The following BACH2 variants were observed in gnomAD, a reference collection of about 807,000 sequenced individuals.
BACH2 encodes transcription regulator protein BACH2.
Under a neutral mutation model 61.8 loss-of-function variants are expected in BACH2, and 5 were observed. That is an observed-to-expected ratio of 0.08 (90% confidence interval 0.04 to 0.17). The LOEUF is 0.17. Among genes scored for constraint, BACH2 ranks in the 10% least tolerant of loss-of-function variants. The probability of loss-of-function intolerance (pLI) is 1.00; values close to 1 mark genes in which losing one functional copy is unlikely to be tolerated. For synonymous variants in BACH2, 446 were observed against 440.1 expected (o/e 1.01, Z -0.17); for missense variants, 824 against 1,091.1 (o/e 0.76, Z 3.45).
intron 6 of BACH2, among the ~76,000 whole-genome samples, chr6:89,996,349 C>G (rs1431518756): frequency 2.0e-5 from 3 of 152,184 alleles, no homozygotes; most frequent in Admixed American, 2.0e-4. Flanking sequence ...TTGTTGCCAT[C>G]CAACATGCAT....
At chr6:90,034,724 A>G (rs971277596) in intron 5 of BACH2, among the ~76,000 whole-genome samples, 3 of 152,156 alleles carry the variant, frequency 2.0e-5, no homozygotes, top group Admixed American at 6.6e-5. Flanking sequence ...GTAATTTGCT[A>G]TGTCATCCTC....
chr6:90,063,273 G>T (rs1410850203), intron 5 of BACH2, among the ~76,000 whole-genome samples: 2 of 152,078 alleles, frequency 1.3e-5, no homozygotes, highest in African/African-American at 4.8e-5. Flanking sequence ...TCCTATGGGG[G>T]TGTGTGTGTG....
intron 1 of BACH2, among the ~76,000 whole-genome samples, chr6:90,296,146 T>C (rs1027651396): frequency 5.3e-5 from 8 of 152,002 alleles, no homozygotes; most frequent in Non-Finnish European, 8.8e-5. Context: ...GCCTGACTTA[T>C]TACTCTCTGC....
intron 4 of BACH2, among the ~76,000 whole-genome samples, chr6:90,094,763 T>A (rs188316482): frequency 2.2e-4 from 33 of 152,218 alleles, no homozygotes; most frequent in Admixed American, 2.1e-3. Flanking sequence ...ATGACACCAG[T>A]CAGCCAATCT....
At chr6:90,133,638 T>C (rs1455888249) in intron 4 of BACH2, among the ~76,000 whole-genome samples, 3 of 152,254 alleles carry the variant, frequency 2.0e-5, no homozygotes, top group South Asian at 2.1e-4. Flanking sequence ...TGTGCTGCAC[T>C]GATTAAGTCG....
At chr6:89,933,804 G>A (rs1254217553) in intron 8 of BACH2, among the ~76,000 whole-genome samples, 1 of 150,464 alleles carries the variant, frequency 6.6e-6, no homozygotes, top group Non-Finnish European at 1.5e-5. Flanking sequence ...TGGGGAACAT[G>A]GCAAAACCCC....
intron 6 of BACH2, among the ~76,000 whole-genome samples, chr6:89,986,016 G>C (rs562528818): frequency 6.6e-6 from 1 of 152,276 alleles, no homozygotes; most frequent in East Asian, 1.9e-4. Flanking sequence ...TGTTATAGCC[G>C]GACTTGTAAG....
chr6:90,229,601 G>A (rs1179125712), intron 3 of BACH2, among the ~76,000 whole-genome samples: 2 of 152,132 alleles, frequency 1.3e-5, no homozygotes, highest in African/African-American at 4.8e-5. Context: ...TGCTCAATGA[G>A]GAAAAAGCAC....
chr6:90,241,957 A>C (rs979700607), intron 3 of BACH2, among the ~76,000 whole-genome samples: 1 of 149,316 alleles, frequency 6.7e-6, no homozygotes, highest in African/African-American at 2.5e-5. Context: ...TTATTAGTAG[A>C]CTATTTTTTA....
chr6:90,261,795 T>C (rs1210820192), intron 2 of BACH2, among the ~76,000 whole-genome samples: 4 of 152,136 alleles, frequency 2.6e-5, no homozygotes, highest in Admixed American at 6.5e-5. Flanking sequence ...TATATACTTA[T>C]ATACTGATGA....
rs527268806 is a variant in BACH2 at position 90,038,091 on chromosome 6, C to G, written c.-12-29235G>C. Among the ~76,000 whole-genome samples, 3 of 152,334 alleles carry G rather than the reference C, an allele frequency of 2.0e-5. 1 individual carries two copies. In the East Asian group the frequency reaches 5.8e-4, roughly 29 times the overall value. ...GAGGCAATACATTTCTGTTGTAAGG[C>G]ATCCAGTTTGTGGTACTTTGTTATG... is the stretch of plus-strand genomic sequence containing the variant. On this transcript the variant is annotated intron_variant, in intron 5 of 8. Transcript: ENST00000257749.
rs543808441 is a variant in BACH2, at chr6:90,008,883, G to T, written c.-12-27C>A. On this transcript the variant is annotated intron_variant, in intron 5 of 8. Coordinates refer to ENST00000257749, the MANE Select transcript of BACH2 (RefSeq NM_021813.4). This position sits in a 1 kb window ranked among gnomAD's most constrained non-coding sequence, Gnocchi z 4.1. ...TGAAAGAAAGAAAGAAACAAAGAAAGAAAGAAAGAAAGGCTGAGTCACCAC... is the reference window on the plus strand; with the variant it reads ...TGAAAGAAAGAAAGAAACAAAGAAATAAAGAAAGAAAGGCTGAGTCACCAC... 2.5e-6 allele frequency: 4 copies of T among 1,607,006 alleles called. No homozygotes were observed. Among genetic ancestry groups the T allele is most frequent in the Non-Finnish European group, 3.4e-6 (4 of 1,175,932 alleles).
chr6:89,976,513 T>C (rs906281379), intron 6 of BACH2, among the ~76,000 whole-genome samples: 4 of 152,198 alleles, frequency 2.6e-5, no homozygotes, highest in African/African-American at 7.2e-5. Flanking sequence ...GCTCCTGCAA[T>C]TGTGTGTGTG....
chr6:90,040,710 T>C (rs1251120445), intron 5 of BACH2, among the ~76,000 whole-genome samples: 1 of 152,172 alleles, frequency 6.6e-6, no homozygotes, highest in Non-Finnish European at 1.5e-5. Context: ...CAGTTTCATT[T>C]ATTTACAAGA....
chr6:90,062,688 C>T (rs950098135), intron 5 of BACH2, among the ~76,000 whole-genome samples: 5 of 151,780 alleles, frequency 3.3e-5, no homozygotes, highest in South Asian at 4.2e-4. Flanking sequence ...CAACCTCTTT[C>T]TCTTGATTTT....
chr6:90,092,053 C>T (rs1782180148), intron 4 of BACH2, among the ~76,000 whole-genome samples: 1 of 151,778 alleles, frequency 6.6e-6, no homozygotes, highest in South Asian at 2.1e-4. Flanking sequence ...AAAGAGTATA[C>T]TTTGTTTTTT....
At chr6:89,978,368 G>C (rs1428901219) in intron 6 of BACH2, among the ~76,000 whole-genome samples, 1 of 152,138 alleles carries the variant, frequency 6.6e-6, no homozygotes, top group African/African-American at 2.4e-5. Context: ...ACTGCCAAAA[G>C]CTCTGTAAAA....
intron 3 of BACH2, among the ~76,000 whole-genome samples, chr6:90,233,845 G>A (rs1430779470): frequency 6.6e-6 from 1 of 152,132 alleles, no homozygotes; most frequent in Non-Finnish European, 1.5e-5. Flanking sequence ...GCCAGCCACG[G>A]CCCTATGGAC....
intron 5 of BACH2, among the ~76,000 whole-genome samples, chr6:90,078,128 T>C (rs79959432): frequency 1.3e-5 from 2 of 152,330 alleles, no homozygotes; most frequent in South Asian, 2.1e-4. Flanking sequence ...ACCAGAATTA[T>C]AACAGATGCA....
Sources: gnomAD v4.1 joint callset for allele counts (sites outside exome capture counted in the v4.1 genomes callset) on GRCh38, gnomAD v4.1.1 for gene constraint, Gnocchi (gnomAD v3.1) non-coding constraint, MANE v1.5 for transcripts, NCBI Gene and HGNC (gene_info 2026-07-23, HGNC 2026-07-21) for gene names.